VSTM2L: variants seen among roughly 807,000 people sequenced by gnomAD.
VSTM2L encodes the protein V-set and transmembrane domain containing 2 like.
In VSTM2L, 9 loss-of-function variants were observed where a neutral mutation model predicts 19.9. The ratio of observed to expected loss-of-function variants is 0.45; its 90% CI spans 0.27 to 0.79. VSTM2L has a LOEUF of 0.79. Among genes scored for constraint, VSTM2L ranks in the 30% least tolerant of loss-of-function variants. VSTM2L has a pLI of 0.15. For synonymous variants in VSTM2L, 127 were observed against 133.8 expected, an observed-to-expected ratio of 0.95 and a Z score of 0.35; for missense variants, 286 against 295.5, an observed-to-expected ratio of 0.97 and a Z score of 0.24.
chr20:37,931,517 C>A, intron 1 of VSTM2L, 118 bp from the exon 2 acceptor site: 8 of 1,087,652 alleles, frequency 7.4e-6, no homozygotes, highest in African/African-American at 1.6e-5. Flanking sequence ...GGTCACCCCA[C>A]CCCCTCCACC....
Position 37,903,469 on chromosome 20 carries a change from A to T in VSTM2L, c.119A>T (p.His40Leu). Residue 40 changes from histidine (H) to leucine (L), a missense_variant and splice_region_variant, in exon 1 of 4, where the codon CAC (histidine) becomes CTC (leucine). Coordinates refer to ENST00000373461, the MANE Select transcript of VSTM2L (RefSeq NM_080607.3). ...CCCTGGGACAACCACGTCTCCGGCC[A>T]CGGTGAGTTCGGTCGCCGCCCCCGC... is the stretch of plus-strand genomic sequence containing the variant. ...HAPWDNHVSGHALFTETPHDM... is the reference protein window; with the variant it reads ...HAPWDNHVSGLALFTETPHDM... The T allele has an allele frequency of 6.8e-7, 1 of 1,476,226 alleles. No homozygotes were observed. The highest frequency in any genetic ancestry group is 8.9e-7 in the Non-Finnish European group (1 of 1,119,886). 91.4% of individuals were successfully genotyped at this position (1,476,226 alleles called of 1,614,324 possible). A position where few individuals can be genotyped will look rare whatever the true frequency, so the allele number is the denominator to read the frequency against.
At chr20:37,928,526 G>A (rs1347815340) in intron 1 of VSTM2L, among the ~76,000 whole-genome samples, 9 of 152,228 alleles carry the variant, frequency 5.9e-5, no homozygotes, top group Admixed American at 4.6e-4. Flanking sequence ...AGGCCAAGGC[G>A]GGGAGATTGC....
intron 1 of VSTM2L, among the ~76,000 whole-genome samples, chr20:37,931,330 C>A (rs573845716): frequency 6.6e-6 from 1 of 152,182 alleles, no homozygotes; most frequent in African/African-American, 2.4e-5. Context: ...CCAGCCCAGG[C>A]CTTCTCTGAT....
intron 2 of VSTM2L, 55 bp downstream of exon 2, chr20:37,931,859 G>A (rs2072912507): frequency 1.9e-6 from 3 of 1,563,888 alleles, no homozygotes; most frequent in South Asian, 1.2e-5. Context: ...GGTCCCTGGG[G>A]TAGGGGTATT....
Position 37,903,163 on chromosome 20 carries a change from C to T in VSTM2L, c.-188C>T, listed in dbSNP as rs1362810067. On this transcript the variant is annotated 5_prime_UTR_variant, in exon 1 of 4. Coordinates refer to ENST00000373461, the MANE Select transcript of VSTM2L (RefSeq NM_080607.3). ...CGGCCGGCTGGGCGTGCGCTCGCTC[C>T]CCGAAGCCGGGGCTGGGCCGGAGCC... 2.6e-6 allele frequency: 2 copies of T among 773,058 alleles called. No individual in the cohort carries two copies. Among genetic ancestry groups the T allele is most frequent in the Non-Finnish European group, 3.4e-6 (2 of 584,686 alleles). 47.9% of individuals were successfully genotyped at this position (773,058 alleles called of 1,614,324 possible).
chr20:37,926,387 A>T (rs1361632074), intron 1 of VSTM2L, among the ~76,000 whole-genome samples: 1 of 151,960 alleles, frequency 6.6e-6, no homozygotes, highest in Non-Finnish European at 1.5e-5. Context: ...TTTAAGAAAT[A>T]TTTAGGGCCA....
intron 1 of VSTM2L, among the ~76,000 whole-genome samples, chr20:37,906,673 G>A (rs2072753672): frequency 6.6e-6 from 1 of 152,238 alleles, no homozygotes; most frequent in African/African-American, 2.4e-5. Flanking sequence ...AGATGAAGAT[G>A]CATCTGGCAG....
At chr20:37,915,205 A>G (rs1031646051) in intron 1 of VSTM2L, among the ~76,000 whole-genome samples, 3 of 152,104 alleles carry the variant, frequency 2.0e-5, no homozygotes, top group African/African-American at 7.2e-5. Flanking sequence ...CCCCTGGGAC[A>G]GGGCCCAGAT....
chr20:37,930,493 C>G (rs1050264349), intron 1 of VSTM2L, among the ~76,000 whole-genome samples: 3 of 152,072 alleles, frequency 2.0e-5, no homozygotes, highest in Non-Finnish European at 4.4e-5. Flanking sequence ...TCCTGGGTGA[C>G]CTGCACGTTG....
Position 37,933,540 on chromosome 20 carries a change from T to TA in VSTM2L, c.297dup (p.Ala100SerfsTer108). The TA allele has an allele frequency of 6.6e-7, 1 of 1,510,134 alleles. No homozygotes were observed. The highest frequency in any genetic ancestry group is 3.1e-5 in the East Asian group (1 of 32,616). 93.5% of individuals were successfully genotyped at this position (1,510,134 alleles called of 1,614,324 possible). A position where few individuals can be genotyped will look rare whatever the true frequency, so the allele number is the denominator to read the frequency against. The stretch of plus-strand genomic sequence containing the variant: ...TCCGCCCCTCCCCGATCCCAACAGC[T>TA]AAAAGCATCTCAGCAGGAAGACGCA... On this transcript the variant is annotated frameshift_variant and splice_region_variant, in exon 3 of 4. Transcript: ENST00000373461. LOFTEE classifies it high-confidence loss of function.
chr20:37,945,075 G>A lies in VSTM2L; in HGVS notation c.*822G>A, dbSNP rs1374800810. The A allele has an allele frequency of 3.0e-6, 3 of 985,662 alleles. No homozygotes were observed. Among genetic ancestry groups the A allele is most frequent in the Non-Finnish European group, 2.4e-6 (2 of 829,914 alleles). The allele number at this position is 985,662 out of a possible 1,614,324, so 61.1% of individuals were successfully genotyped here. A position where few individuals can be genotyped will look rare whatever the true frequency, so the allele number is the denominator to read the frequency against. On this transcript the variant is annotated 3_prime_UTR_variant, in exon 4 of 4. Coordinates refer to ENST00000373461, the MANE Select transcript of VSTM2L (RefSeq NM_080607.3). The stretch of plus-strand genomic sequence containing the variant: ...CCCTCTTGGGTCCTGTGCCAAGTCC[G>A]CCCCAGGGCCTGGGGCTGTTGGGAG...
At chr20:37,936,049 T>TA (rs1230160105) in intron 3 of VSTM2L, among the ~76,000 whole-genome samples, 1 of 88,250 alleles carries the variant, frequency 1.1e-5, no homozygotes, top group Non-Finnish European at 2.7e-5. Flanking sequence ...CATACCTAGC[T>TA]AATTTTTTTT....
At position 37,945,189 on chromosome 20, in the gene VSTM2L, C is replaced by G. The variant is rs147061013; in HGVS notation, c.*936C>G. The G allele has an allele frequency of 1.0e-6, 1 of 985,346 alleles. No homozygotes were observed. The highest frequency in any genetic ancestry group is 1.7e-5 in the African/African-American group (1 of 57,226). The allele number at this position is 985,346 out of a possible 1,614,324, so 61.0% of individuals were successfully genotyped here. On this transcript the variant is annotated 3_prime_UTR_variant, in exon 4 of 4. Transcript: ENST00000373461. Reference sequence around the variant, plus strand: ...TTATTTGTAAATATTTCTATTGGACCCAATTCTCCTCGGAATTGGCTGGCA... The same window carrying G: ...TTATTTGTAAATATTTCTATTGGACGCAATTCTCCTCGGAATTGGCTGGCA...
intron 1 of VSTM2L, among the ~76,000 whole-genome samples, chr20:37,920,942 A>G (rs182865285): frequency 6.6e-6 from 1 of 152,036 alleles, no homozygotes; most frequent in African/African-American, 2.4e-5. Context: ...TCATTCACTC[A>G]TGTGTTTAGT....
chr20:37,905,763 G>A (rs890455396), intron 1 of VSTM2L, among the ~76,000 whole-genome samples: 10 of 152,172 alleles, frequency 6.6e-5, no homozygotes, highest in Admixed American at 2.6e-4. Flanking sequence ...CCCCTCTGCC[G>A]TGCCAAGCAC....
intron 1 of VSTM2L, among the ~76,000 whole-genome samples, chr20:37,927,883 AC>A (rs1201522219): frequency 6.6e-6 from 1 of 151,928 alleles, no homozygotes; most frequent in Non-Finnish European, 1.5e-5. Flanking sequence ...TTCCCACCTC[AC>A]CCGTGTCTGG....
intron 1 of VSTM2L, among the ~76,000 whole-genome samples, chr20:37,923,656 G>C (rs939395015): frequency 6.6e-6 from 1 of 152,170 alleles, no homozygotes; most frequent in Non-Finnish European, 1.5e-5. Context: ...TCAGGGGCCG[G>C]GTAAGTCAAA....
intron 3 of VSTM2L, among the ~76,000 whole-genome samples, chr20:37,937,207 G>A (rs1293681255): frequency 6.6e-6 from 1 of 152,162 alleles, no homozygotes; most frequent in Admixed American, 6.5e-5. Flanking sequence ...GATCATTTAC[G>A]TGGGAGGACA....
Position 37,945,131 on chromosome 20 carries a change from C to T in VSTM2L, c.*878C>T, listed in dbSNP as rs1348485540. The T allele has an allele frequency of 7.1e-6, 7 of 985,748 alleles. No individual in the cohort carries two copies. The highest frequency in any genetic ancestry group is 9.4e-5 in the South Asian group (2 of 21,278). The allele number at this position is 985,748 out of a possible 1,614,324, so 61.1% of individuals were successfully genotyped here. On this transcript the variant is annotated 3_prime_UTR_variant, in exon 4 of 4. Transcript: ENST00000373461. ...GGCCCCCTGGTACTCAGTTCCCTCA[C>T]GATTCCCGATCACGGGCACACCTGC... is the stretch of plus-strand genomic sequence containing the variant.
Sources: gnomAD v4.1 joint callset for allele counts (sites outside exome capture counted in the v4.1 genomes callset) on GRCh38, gnomAD v4.1.1 for gene constraint, MANE v1.5 for transcripts, NCBI Gene and HGNC (gene_info 2026-07-23, HGNC 2026-07-21) for gene names.